The following ZNF185 variants were observed in gnomAD, a reference collection of about 807,000 sequenced individuals.
ZNF185 encodes zinc finger protein 185.
In ZNF185, 56 loss-of-function variants were observed where a neutral mutation model predicts 58.6. The observed-to-expected ratio is 0.95, with a 90% CI of 0.77 to 1.19. The LOEUF (loss-of-function observed/expected upper bound fraction) is 1.19, where lower values mean the gene tolerates loss of function less well. Ranked by LOEUF, ZNF185 falls within the 50% of genes most tolerant of loss-of-function variation. The pLI is 0.00. For missense variants in ZNF185, 627 were observed against 573.5 expected, an observed-to-expected ratio of 1.09 and a Z score of -0.95; for synonymous variants, 230 against 215.9, an observed-to-expected ratio of 1.07 and a Z score of -0.57.
At chrX:152,959,600 C>T in intron 16 of ZNF185, 99 bp from the exon 19 acceptor site, 1 of 944,559 alleles carries the variant, frequency 1.1e-6, no homozygotes, top group Non-Finnish European at 1.4e-6. Flanking sequence ...GAGATGAGTC[C>T]CTCCAAGTCC....
intron 15 of ZNF185, among the ~76,000 whole-genome samples, chrX:152,938,896 CGATCTCCTCTAAA>C (rs1653858010): frequency 1.2e-5 from 1 of 85,636 alleles, no homozygotes; most frequent in Non-Finnish European, 2.3e-5. Flanking sequence ...GCAACTCAGG[CGATCTCCTCTAAA>C]GAGGAGAAGG....
At chrX:152,922,047 C>A in intron 9 of ZNF185, 126 bp from the exon 11 acceptor site, 1 of 667,931 alleles carries the variant, frequency 1.5e-6, no homozygotes, top group South Asian at 2.7e-5. Context: ...CCAGCCTGGG[C>A]CACCTCTTGG....
chrX:152,951,098 T>TTTTC (rs1556899679), intron 16 of ZNF185, among the ~76,000 whole-genome samples: 1,688 of 104,921 alleles, frequency 0.016, 48 homozygotes, highest in African/African-American at 0.055. Context: ...TTTTTTTTTT[T>TTTTC]TTTTTGAGAT....
At chrX:152,936,548 C>A in intron 14 of ZNF185, 35 bp downstream of exon 16, 1 of 1,116,042 alleles carries the variant, frequency 9.0e-7, no homozygotes, top group South Asian at 2.0e-5. Context: ...TGCCCTATCC[C>A]ATTGCCAGAC....
intron 15 of ZNF185, among the ~76,000 whole-genome samples, chrX:152,939,107 G>C (rs1290565201): frequency 8.9e-6 from 1 of 111,969 alleles, no homozygotes; most frequent in African/African-American, 3.3e-5. Context: ...CTTATTTCAA[G>C]TTTTAAGCCA....
At chrX:152,915,301 G>C in intron 3 of ZNF185, 98 bp downstream of exon 4, 2 of 893,060 alleles carry the variant, frequency 2.2e-6, no homozygotes, top group Non-Finnish European at 3.1e-6. Context: ...AGTCCACAGG[G>C]GACAGGGATG....
At chrX:152,936,755 C>G (rs1556882182) in intron 14 of ZNF185, among the ~76,000 whole-genome samples, 1 of 110,399 alleles carries the variant, frequency 9.1e-6, no homozygotes. Flanking sequence ...TACATGGACC[C>G]AAGCTGAGGT....
the ZNF185 span, among the ~76,000 whole-genome samples, chrX:152,899,637 C>T: frequency 8.9e-6 from 1 of 112,765 alleles, no homozygotes; most frequent in Non-Finnish European, 1.9e-5. Context: ...CCTCTGGACA[C>T]TCATGACTCA....
At chrX:152,946,102 G>A (rs887179794) in intron 16 of ZNF185, among the ~76,000 whole-genome samples, 2 of 112,625 alleles carry the variant, frequency 1.8e-5, no homozygotes, top group African/African-American at 6.5e-5. Context: ...GCCTGCCAGC[G>A]CAAACACTGC....
chrX:152,938,854 T>TCTA (rs1556885527), intron 15 of ZNF185, among the ~76,000 whole-genome samples: 4 of 102,800 alleles, frequency 3.9e-5, no homozygotes, highest in African/African-American at 1.5e-4. Context: ...GTGATGGCAG[T>TCTA]GAGGAGGGTA....
At chrX:152,936,028 G>C (rs1394609024) in intron 14 of ZNF185, among the ~76,000 whole-genome samples, 2 of 112,550 alleles carry the variant, frequency 1.8e-5, no homozygotes, top group Admixed American at 1.9e-4. Flanking sequence ...GAACACATTA[G>C]CACATGTTAT....
intron 16 of ZNF185, among the ~76,000 whole-genome samples, chrX:152,945,890 A>T (rs2047736314): frequency 8.9e-6 from 1 of 112,059 alleles, no homozygotes; most frequent in African/African-American, 3.2e-5. Flanking sequence ...CAAAAGTGAC[A>T]GAGTGAAGCA....
intron 12 of ZNF185, among the ~76,000 whole-genome samples, chrX:152,930,334 T>C (rs1191905108): frequency 8.9e-6 from 1 of 112,215 alleles, no homozygotes; most frequent in African/African-American, 3.2e-5. Flanking sequence ...AGGTTTGTGA[T>C]TGAGGTTTGA....
chrX:152,938,125 C>T, exon 15 of ZNF185: 1 of 1,185,554 alleles, frequency 8.4e-7, no homozygotes, highest in Non-Finnish European at 1.1e-6. Context: ...AGAGCAACAG[C>T]ACAGCAGCCC....
chrX:152,968,749 T>C lies in ZNF185; in HGVS notation c.1872-633T>C, dbSNP rs112117340. Among the ~76,000 whole-genome samples, 703 of 112,604 alleles carry C rather than the reference T, an allele frequency of 6.2e-3. 9 individuals carry two copies. Among genetic ancestry groups the C allele is most frequent in the African/African-American group, 0.022 (671 of 31,023 alleles). ...AGAAAGTACCCTGAATTTTGGCTTG[T>C]AGGATCAGATCAAGCAGTTACTTTG... On this transcript the variant is annotated intron_variant, in intron 20 of 22. Transcript: ENST00000449285.
At chrX:152,950,902 T>C (rs1325669668) in intron 16 of ZNF185, among the ~76,000 whole-genome samples, 1 of 111,764 alleles carries the variant, frequency 8.9e-6, no homozygotes, top group African/African-American at 3.2e-5. Context: ...TTGTAAAGAA[T>C]CTTCAGTTCC....
chrX:152,942,723 T>A (rs2047363056), intron 15 of ZNF185, among the ~76,000 whole-genome samples: 1 of 111,930 alleles, frequency 8.9e-6, no homozygotes, highest in Non-Finnish European at 1.9e-5. Context: ...TCGTTTATAT[T>A]TTTTCTGCAT....
At chrX:152,898,799 G>C in the ZNF185 span, among the ~76,000 whole-genome samples, 1 of 112,575 alleles carries the variant, frequency 8.9e-6, no homozygotes, top group African/African-American at 3.2e-5. Flanking sequence ...GGGTGTTATC[G>C]ACAGGATCGG....
chrX:152,971,216 C>T (rs2050645886), intron 22 of ZNF185, 58 bp from the exon 25 acceptor site: 1 of 111,410 alleles, frequency 9.0e-6, no homozygotes, highest in Non-Finnish European at 1.9e-5. Flanking sequence ...AGTCACCCAC[C>T]CTGAGGGCCT....
Sources: gnomAD v4.1 joint callset for allele counts (sites outside exome capture counted in the v4.1 genomes callset) on GRCh38, gnomAD v4.1.1 for gene constraint, MANE v1.5 for transcripts, NCBI Gene and HGNC (gene_info 2026-07-23, HGNC 2026-07-21) for gene names.